The following CMC1 variants were observed in gnomAD, a reference collection of about 807,000 sequenced individuals.
CMC1 encodes the protein C-X9-C motif containing 1, also known as COX assembly mitochondrial protein homolog.
A neutral mutation model predicts 14.1 loss-of-function variants in CMC1; 14 were observed. That is an observed-to-expected ratio of 0.99 (90% CI 0.66 to 1.55). The LOEUF (loss-of-function observed/expected upper bound fraction) is 1.55, where lower values mean the gene tolerates loss of function less well. CMC1 is among the 40% of genes most tolerant of loss of function. The pLI is 0.00. For synonymous variants in CMC1, 50 were observed against 38.4 expected (o/e 1.30, Z -1.12); for missense variants, 127 against 123.8 (o/e 1.03, Z -0.12).
intron 2 of CMC1, among the ~76,000 whole-genome samples, chr3:28,274,220 CTTTT>C (rs544985268): frequency 1.8e-5 from 2 of 112,324 alleles, no homozygotes; most frequent in African/African-American, 3.3e-5. Flanking sequence ...TTGTTTTTTT[CTTTT>C]TTTTTTTTTT....
Position 28,255,739 on chromosome 3 carries a change from A to ACACACG in CMC1, c.20-7547_20-7546insGCACAC, listed in dbSNP as rs1014447979. ...CATGTACATACACACACACACACAC[A>ACACACG]CACACACACACACACGCGACAGAGA... is the stretch of plus-strand genomic sequence containing the variant. On this transcript the variant is annotated intron_variant, in intron 1 of 3. Transcript: ENST00000466830. Among the ~76,000 whole-genome samples, 7 of 151,226 alleles carry ACACACG rather than the reference A, an allele frequency of 4.6e-5. No individual in the cohort carries two copies. The East Asian group carries it at 1.4e-3, about 29-fold the overall frequency.
intron 2 of CMC1, among the ~76,000 whole-genome samples, chr3:28,303,711 C>T (rs1252929946): frequency 1.3e-5 from 2 of 152,024 alleles, no homozygotes; most frequent in African/African-American, 2.4e-5. Flanking sequence ...GAATTATTAA[C>T]ACTCCTTCAA....
intron 2 of CMC1, among the ~76,000 whole-genome samples, chr3:28,301,352 C>G (rs1279819898): frequency 6.6e-6 from 1 of 151,888 alleles, no homozygotes; most frequent in African/African-American, 2.4e-5. Context: ...CCCAAGTAAA[C>G]AGTACTACAT....
At chr3:28,270,583 A>G (rs1004310172) in intron 2 of CMC1, among the ~76,000 whole-genome samples, 4 of 152,030 alleles carry the variant, frequency 2.6e-5, no homozygotes, top group Non-Finnish European at 5.9e-5. Flanking sequence ...CCCTTTGCCC[A>G]CTTTTTAATG....
At chr3:28,315,164 G>C (rs961016687) in intron 2 of CMC1, 1 of 152,288 alleles carries the variant, frequency 6.6e-6, no homozygotes, top group African/African-American at 2.4e-5. Context: ...AGTAGTTCAT[G>C]AGAGTAGCTG....
At chr3:28,252,198 T>G (rs1699165166) in intron 1 of CMC1, among the ~76,000 whole-genome samples, 2 of 152,194 alleles carry the variant, frequency 1.3e-5, no homozygotes, top group African/African-American at 4.8e-5. Flanking sequence ...CTGCAGAATC[T>G]GAGGTCCAAG....
chr3:28,270,119 A>G (rs904702207), intron 2 of CMC1, among the ~76,000 whole-genome samples: 7 of 152,100 alleles, frequency 4.6e-5, no homozygotes, highest in Non-Finnish European at 7.3e-5. Flanking sequence ...ATAGTATTCC[A>G]TGGTGTATAT....
chr3:28,257,301 G>T (rs1046427154), intron 1 of CMC1, among the ~76,000 whole-genome samples: 2 of 152,060 alleles, frequency 1.3e-5, no homozygotes, highest in Admixed American at 6.6e-5. Flanking sequence ...TATCACCATA[G>T]ATTAACTTTG....
At chr3:28,305,249 A>G (rs996234391) in intron 2 of CMC1, among the ~76,000 whole-genome samples, 1 of 152,128 alleles carries the variant, frequency 6.6e-6, no homozygotes, top group East Asian at 1.9e-4. Flanking sequence ...TGTTGCTGCA[A>G]AGGATGTGTT....
chr3:28,303,864 T>C (rs113562710), intron 2 of CMC1, among the ~76,000 whole-genome samples: 1,653 of 152,300 alleles, frequency 0.011, 29 homozygotes, highest in African/African-American at 0.038. Flanking sequence ...TTTACCTTAG[T>C]CTTTATTTTC....
chr3:28,285,251 G>A (rs1049989586), intron 2 of CMC1, among the ~76,000 whole-genome samples: 1 of 152,148 alleles, frequency 6.6e-6, no homozygotes, highest in African/African-American at 2.4e-5. Context: ...GGAGGTACTG[G>A]TGACCTTCTC....
intron 2 of CMC1, among the ~76,000 whole-genome samples, chr3:28,285,418 AC>A (rs775572840): frequency 6.6e-6 from 1 of 152,130 alleles, no homozygotes; most frequent in East Asian, 1.9e-4. Flanking sequence ...TAAAAAAAAA[AC>A]ACATGACTTT....
intron 2 of CMC1, 70 bp from the exon 3 acceptor site, chr3:28,316,263 G>T: frequency 2.7e-6 from 2 of 747,824 alleles, no homozygotes; most frequent in Non-Finnish European, 4.1e-6. Context: ...CTAAAAAGAA[G>T]AAAATTGTGT....
intron 1 of CMC1, among the ~76,000 whole-genome samples, chr3:28,258,589 C>T (rs1576991343): frequency 7.2e-6 from 1 of 138,550 alleles, no homozygotes. Flanking sequence ...ATAAATTGAT[C>T]GTATATACAT....
chr3:28,306,594 C>A (rs1412268965), intron 2 of CMC1, among the ~76,000 whole-genome samples: 1 of 151,374 alleles, frequency 6.6e-6, no homozygotes, highest in Non-Finnish European at 1.5e-5. Context: ...TTAGCATTTT[C>A]TAAATATATA....
chr3:28,309,953 ACACAC>A (rs2125597891), intron 2 of CMC1, among the ~76,000 whole-genome samples: 1 of 138,516 alleles, frequency 7.2e-6, no homozygotes, highest in South Asian at 2.2e-4. Context: ...ACACACACAC[ACACAC>A]ACACACACAC....
At chr3:28,278,700 A>G (rs1700718278) in intron 2 of CMC1, among the ~76,000 whole-genome samples, 1 of 152,222 alleles carries the variant, frequency 6.6e-6, no homozygotes, top group Non-Finnish European at 1.5e-5. Context: ...ATAGAAAGAC[A>G]TGGTGTCATA....
intron 2 of CMC1, among the ~76,000 whole-genome samples, chr3:28,307,888 C>G (rs1157497325): frequency 1.3e-5 from 2 of 152,148 alleles, no homozygotes; most frequent in Non-Finnish European, 2.9e-5. Flanking sequence ...GTTTCTGGAG[C>G]CTCTAGGGGA....
chr3:28,260,556 T>G (rs967217306), intron 1 of CMC1, among the ~76,000 whole-genome samples: 1 of 136,336 alleles, frequency 7.3e-6, no homozygotes, highest in Non-Finnish European at 1.5e-5. Context: ...AATTTCATTG[T>G]TTTTTTTTTC....
Sources: gnomAD v4.1 joint callset for allele counts (sites outside exome capture counted in the v4.1 genomes callset) on GRCh38, gnomAD v4.1.1 for gene constraint, MANE v1.5 for transcripts, NCBI Gene and HGNC (gene_info 2026-07-23, HGNC 2026-07-21) for gene names.